Variants in SPATS2 observed in about 807,000 individuals in gnomAD.
SPATS2 encodes the protein spermatogenesis-associated serine-rich protein 2.
A neutral mutation model predicts 63.7 loss-of-function variants in SPATS2; 38 were observed. That is an observed-to-expected ratio of 0.60 (90% CI 0.46 to 0.78). SPATS2 has a LOEUF of 0.78. SPATS2 is among the 30% of genes least tolerant of loss of function. SPATS2 has a pLI of 0.00. For synonymous variants in SPATS2, 207 were observed against 232.9 expected, an observed-to-expected ratio of 0.89 and a Z score of 1.01; for missense variants, 588 against 666.2, an observed-to-expected ratio of 0.88 and a Z score of 1.29.
chr12:49,455,585 T>G (rs538936299), intron 2 of SPATS2, among the ~76,000 whole-genome samples: 1 of 152,242 alleles, frequency 6.6e-6, no homozygotes, highest in Non-Finnish European at 1.5e-5. Context: ...TTTTTAAATT[T>G]TATTTTTTGT....
intron 2 of SPATS2, among the ~76,000 whole-genome samples, chr12:49,414,371 T>C (rs1274722830): frequency 6.6e-6 from 1 of 152,144 alleles, no homozygotes; most frequent in East Asian, 1.9e-4. Context: ...ACCTTAAATG[T>C]CTTTGACATC....
intron 9 of SPATS2, among the ~76,000 whole-genome samples, 199 bp downstream of exon 9, chr12:49,500,404 A>G (rs1456944479): frequency 1.3e-5 from 2 of 152,214 alleles, no homozygotes; most frequent in Non-Finnish European, 2.9e-5. Flanking sequence ...ATAACTCACA[A>G]TGCTCTAGAA....
chr12:49,478,153 A>T (rs1946150627), intron 3 of SPATS2, among the ~76,000 whole-genome samples: 2 of 150,840 alleles, frequency 1.3e-5, no homozygotes, highest in South Asian at 4.2e-4. Flanking sequence ...TACTTTTTAA[A>T]TTTTTTATAG....
chr12:49,485,851 C>G (rs1050122865), intron 4 of SPATS2, among the ~76,000 whole-genome samples: 1 of 151,124 alleles, frequency 6.6e-6, no homozygotes, highest in African/African-American at 2.4e-5. Flanking sequence ...CCTCCACCTC[C>G]TGGGTTCAAG....
chr12:49,394,339 C>CA (rs35693643), intron 2 of SPATS2, among the ~76,000 whole-genome samples: 5,722 of 81,704 alleles, frequency 0.07, 153 homozygotes, highest in Non-Finnish European at 0.11. Flanking sequence ...ACCTTGTCTC[C>CA]AAAAAAAAAA....
intron 2 of SPATS2, among the ~76,000 whole-genome samples, chr12:49,410,760 C>T (rs11169002): frequency 8.5e-4 from 129 of 152,028 alleles, no homozygotes; most frequent in African/African-American, 3.1e-3. Context: ...ACACCCATAT[C>T]TCTTTGATGT....
In SPATS2 at chr12:49,463,412, C is replaced by CAA. The variant is rs557932750; in HGVS notation, c.25+2394_25+2395dup. The CAA allele has an allele frequency of 1.9e-3, 147 of 75,852 alleles. 1 individual carries two copies. The highest frequency in any genetic ancestry group is 3.6e-3 in the African/African-American group (67 of 18,570). The allele number at this position is 75,852 out of a possible 1,614,324, so 4.7% of individuals were successfully genotyped here. A position where few individuals can be genotyped will look rare whatever the true frequency, so the allele number is the denominator to read the frequency against. ...TGGGCAACAGAGAGAGACTCTGTCT[C>CAA]AAAAAAAAAAAAAAAAAAAATAGAC... On this transcript the variant is annotated intron_variant, in intron 3 of 13. Coordinates refer to ENST00000552918, the MANE Select transcript of SPATS2 (RefSeq NM_023071.4).
intron 2 of SPATS2, among the ~76,000 whole-genome samples, chr12:49,413,391 AT>A (rs1056040662): frequency 1.1e-4 from 16 of 149,782 alleles, no homozygotes; most frequent in African/African-American, 2.2e-4. Context: ...TTTAATTTTA[AT>A]TTTTTTTTTC....
intron 2 of SPATS2, among the ~76,000 whole-genome samples, chr12:49,458,293 C>T (rs922468993): frequency 6.6e-6 from 1 of 151,820 alleles, no homozygotes; most frequent in African/African-American, 2.4e-5. Flanking sequence ...CATGGTGAAA[C>T]CCTGTCTCTA....
chr12:49,404,071 G>A (rs556146490), intron 2 of SPATS2, among the ~76,000 whole-genome samples: 170 of 152,290 alleles, frequency 1.1e-3, no homozygotes, highest in Middle Eastern at 3.4e-3. Flanking sequence ...AGATGCTAGA[G>A]ATATCATGTT....
chr12:49,390,085 C>T, intron 2 of SPATS2: 2 of 1,311,732 alleles, frequency 1.5e-6, no homozygotes, highest in South Asian at 1.2e-5. Context: ...ACTTTTGAAC[C>T]TAAGGAAAGA....
At chr12:49,430,796 G>A (rs992217888) in intron 2 of SPATS2, among the ~76,000 whole-genome samples, 2 of 152,176 alleles carry the variant, frequency 1.3e-5, no homozygotes, top group Middle Eastern at 3.4e-3. Flanking sequence ...CACCTCCTGG[G>A]TTCAAGCAAT....
At chr12:49,404,624 T>C (rs1944663284) in intron 2 of SPATS2, among the ~76,000 whole-genome samples, 1 of 152,162 alleles carries the variant, frequency 6.6e-6, no homozygotes. Context: ...GAGCAGAAAT[T>C]AGCCAAAGAG....
At chr12:49,517,744 C>T (rs1308196024) in intron 10 of SPATS2, among the ~76,000 whole-genome samples, 2 of 152,148 alleles carry the variant, frequency 1.3e-5, no homozygotes, top group African/African-American at 4.8e-5. Context: ...GTAAAGCCTG[C>T]CCTTTGAGTT....
At chr12:49,516,043 G>A (rs1305549268) in intron 10 of SPATS2, among the ~76,000 whole-genome samples, 8 of 148,162 alleles carry the variant, frequency 5.4e-5, no homozygotes, top group African/African-American at 2.0e-4. Flanking sequence ...GGGAGGCTGA[G>A]GCAGGAGAAT....
chr12:49,391,824 A>G (rs1037198793), intron 2 of SPATS2, among the ~76,000 whole-genome samples: 12 of 152,212 alleles, frequency 7.9e-5, no homozygotes, highest in African/African-American at 2.7e-4. Flanking sequence ...TTTACACTTC[A>G]GAATTTTTCT....
intron 2 of SPATS2, among the ~76,000 whole-genome samples, chr12:49,374,172 C>T (rs1222958356): frequency 1.3e-5 from 2 of 151,616 alleles, no homozygotes; most frequent in Non-Finnish European, 2.9e-5. Flanking sequence ...GCTCTGTCAC[C>T]CAGGCTGGAG....
At chr12:49,519,771 T>C (rs1388085374) in intron 11 of SPATS2, among the ~76,000 whole-genome samples, 1 of 151,890 alleles carries the variant, frequency 6.6e-6, no homozygotes, top group Non-Finnish European at 1.5e-5. Context: ...CTTTTCCATC[T>C]GTCCAAATGC....
chr12:49,417,243 A>G (rs578235800), intron 2 of SPATS2, among the ~76,000 whole-genome samples: 2 of 152,348 alleles, frequency 1.3e-5, no homozygotes, highest in East Asian at 3.9e-4. Context: ...AATTTTTACC[A>G]TTTAGGGATT....
Sources: gnomAD v4.1 joint callset for allele counts (sites outside exome capture counted in the v4.1 genomes callset) on GRCh38, gnomAD v4.1.1 for gene constraint, MANE v1.5 for transcripts, NCBI Gene and HGNC (gene_info 2026-07-23, HGNC 2026-07-21) for gene names.